Variants in ARHGAP42 observed in about 807,000 individuals in gnomAD.
ARHGAP42 encodes Rho GTPase activating protein 42.
Under a neutral mutation model 125.0 loss-of-function variants are expected in ARHGAP42, and 63 were observed. The ratio of observed to expected loss-of-function variants is 0.50; its 90% CI spans 0.41 to 0.62. The LOEUF is 0.62. ARHGAP42 is among the 20% of genes least tolerant of loss of function. ARHGAP42 has a pLI of 0.00. For missense variants in ARHGAP42, 766 were observed against 1,024.2 expected (o/e 0.75, Z 3.44); for synonymous variants, 339 against 351.0 (o/e 0.97, Z 0.38).
At chr11:100,975,046 C>A (rs1024851456) in intron 19 of ARHGAP42, among the ~76,000 whole-genome samples, 1 of 152,150 alleles carries the variant, frequency 6.6e-6, no homozygotes, top group Non-Finnish European at 1.5e-5. Flanking sequence ...CATCAACTTA[C>A]AATTCTGAGC....
At chr11:100,689,013 CAT>C (rs1428747492) in intron 1 of ARHGAP42, among the ~76,000 whole-genome samples, 2 of 152,242 alleles carry the variant, frequency 1.3e-5, no homozygotes, top group Admixed American at 6.5e-5. Flanking sequence ...TATTTTGAAA[CAT>C]GTATTAACAG....
Position 100,989,064 on chromosome 11 carries a change from A to T in ARHGAP42, c.*263A>T, listed in dbSNP as rs12788099. Reference sequence around the variant, plus strand: ...TTTTGGATAATATGTAACTCTCCACAATGTCGCTTCCGTAGCAATTGTAGA... The same window carrying T: ...TTTTGGATAATATGTAACTCTCCACTATGTCGCTTCCGTAGCAATTGTAGA... On this transcript the variant is annotated 3_prime_UTR_variant, in exon 24 of 24. Transcript: ENST00000298815. 0.19 allele frequency: 88,574 copies of T among 461,862 alleles called. 10,673 individuals carry two copies. Among genetic ancestry groups the T allele is most frequent in the Non-Finnish European group, 0.25 (65,177 of 259,036 alleles). The allele number at this position is 461,862 out of a possible 1,614,324, so 28.6% of individuals were successfully genotyped here.
rs1865398229 is a variant in ARHGAP42, at chr11:100,859,611, A to T, written c.370A>T (p.Ile124Leu). ...APLEKFRKEQ[I>L]GAAKDGKKKF... Reference sequence around the variant, plus strand: ...ACTTGAGAAATTTCGAAAAGAACAGATAGGTGCAGCAAAAGTAAGTGTTAC... The same window carrying T: ...ACTTGAGAAATTTCGAAAAGAACAGTTAGGTGCAGCAAAAGTAAGTGTTAC... The change falls in exon 4 of 24, where the codon ATA (isoleucine) becomes TTA (leucine). Residue 124 changes from isoleucine (I) to leucine (L), a missense_variant. By Grantham distance (5) the Ile-to-Leu change is conservative (BLOSUM62 2). Coordinates refer to ENST00000298815, the MANE Select transcript of ARHGAP42 (RefSeq NM_152432.4). 3 of 1,514,392 alleles carry T rather than the reference A, an allele frequency of 2.0e-6. No homozygotes were observed. Among genetic ancestry groups the T allele is most frequent in the South Asian group, 1.3e-5 (1 of 76,272 alleles). 93.8% of individuals were successfully genotyped at this position (1,514,392 alleles called of 1,614,324 possible). A position where few individuals can be genotyped will look rare whatever the true frequency, so the allele number is the denominator to read the frequency against.
chr11:100,902,133 A>T (rs1212423595), intron 4 of ARHGAP42, among the ~76,000 whole-genome samples: 1 of 152,242 alleles, frequency 6.6e-6, no homozygotes, highest in African/African-American at 2.4e-5. Flanking sequence ...GAATTGGCTC[A>T]TGTGGCTTAT....
At chr11:100,898,294 A>G (rs1315360913) in intron 4 of ARHGAP42, among the ~76,000 whole-genome samples, 1 of 152,168 alleles carries the variant, frequency 6.6e-6, no homozygotes, top group East Asian at 1.9e-4. Flanking sequence ...ACATTGGTCT[A>G]AAATTCTCTT....
At chr11:100,765,167 GGTTGAGTATGTAC>G (rs1862800073) in intron 1 of ARHGAP42, among the ~76,000 whole-genome samples, 1 of 152,138 alleles carries the variant, frequency 6.6e-6, no homozygotes, top group African/African-American at 2.4e-5. Flanking sequence ...TTATAGATAT[GGTTGAGTATGTAC>G]GTGGAAGCTA....
At chr11:100,762,798 G>A (rs969808937) in intron 1 of ARHGAP42, among the ~76,000 whole-genome samples, 13 of 151,850 alleles carry the variant, frequency 8.6e-5, no homozygotes, top group African/African-American at 2.2e-4. Flanking sequence ...CACTAAAAAC[G>A]TAACTGTAGT....
chr11:100,874,243 A>G (rs78908385), intron 4 of ARHGAP42, among the ~76,000 whole-genome samples: 3,009 of 152,294 alleles, frequency 0.02, 93 homozygotes, highest in African/African-American at 0.069. Context: ...ATCTATTCCC[A>G]TGACAGTGAG....
intron 12 of ARHGAP42, among the ~76,000 whole-genome samples, chr11:100,956,937 A>G (rs632725): frequency 0.88 from 133,820 of 151,760 alleles, 59,094 homozygotes; most frequent in East Asian, 1. Context: ...TTAGCCCTGC[A>G]GGAAGGATGC....
At chr11:100,904,721 G>A (rs1175447177) in intron 4 of ARHGAP42, among the ~76,000 whole-genome samples, 1 of 152,104 alleles carries the variant, frequency 6.6e-6, no homozygotes, top group Non-Finnish European at 1.5e-5. Flanking sequence ...ATTTTACTTT[G>A]CAAGGAACAT....
At chr11:100,904,521 A>G (rs1288667063) in intron 4 of ARHGAP42, among the ~76,000 whole-genome samples, 1 of 152,160 alleles carries the variant, frequency 6.6e-6, no homozygotes, top group Non-Finnish European at 1.5e-5. Flanking sequence ...TGCTGGGATT[A>G]TAGGCATGAG....
chr11:100,820,925 TA>T (rs57285507), intron 3 of ARHGAP42, among the ~76,000 whole-genome samples: 28,325 of 150,342 alleles, frequency 0.19, 3,088 homozygotes, highest in African/African-American at 0.31. Context: ...TTTTTTTTTT[TA>T]AATTAACTGT....
At position 100,856,261 on chromosome 11, in the gene ARHGAP42, GT is replaced by G. The variant is rs1158293244; in HGVS notation, c.313-3290del. Among the ~76,000 whole-genome samples the G allele has an allele frequency of 2.6e-5, 4 of 152,006 alleles. 1 individual carries two copies. Among genetic ancestry groups the G allele is most frequent in the Admixed American group, 2.6e-4 (4 of 15,232 alleles). On this transcript the variant is annotated intron_variant, in intron 3 of 23. Transcript: ENST00000298815. ...ACTCTAATTCACATTTTAAATAAGG[GT>G]TTCCTACCCTTTATATGACATTTTC...
intron 4 of ARHGAP42, among the ~76,000 whole-genome samples, chr11:100,866,265 A>G (rs889867922): frequency 6.6e-6 from 1 of 152,094 alleles, no homozygotes; most frequent in Non-Finnish European, 1.5e-5. Context: ...TCCTGTTTCC[A>G]CCACATTTGC....
chr11:100,840,152 G>T (rs146764525), intron 3 of ARHGAP42, among the ~76,000 whole-genome samples: 1 of 152,254 alleles, frequency 6.6e-6, no homozygotes, highest in East Asian at 1.9e-4. Flanking sequence ...TATCAAACAT[G>T]CCCTCCATAT....
At chr11:100,794,961 G>C in intron 2 of ARHGAP42, 144 bp from the exon 3 acceptor site, 1 of 524,416 alleles carries the variant, frequency 1.9e-6, no homozygotes, top group Admixed American at 3.9e-5. Context: ...TAAAATCACA[G>C]AATATAGTAT....
chr11:100,925,566 C>T (rs908014837), intron 6 of ARHGAP42, among the ~76,000 whole-genome samples: 2 of 151,852 alleles, frequency 1.3e-5, no homozygotes, highest in African/African-American at 4.8e-5. Context: ...GGTGAAACCT[C>T]ATCTCTACTA....
chr11:100,785,143 A>C (rs1346823290), intron 2 of ARHGAP42, among the ~76,000 whole-genome samples: 1 of 152,106 alleles, frequency 6.6e-6, no homozygotes. Context: ...AGGGAAAGAG[A>C]GAGAGGGAGA....
intron 6 of ARHGAP42, among the ~76,000 whole-genome samples, chr11:100,924,188 G>C (rs1299955996): frequency 6.6e-6 from 1 of 152,028 alleles, no homozygotes; most frequent in African/African-American, 2.4e-5. Flanking sequence ...ATGGCCTGGG[G>C]ATGGGATCTA....
Sources: gnomAD v4.1 joint callset for allele counts (sites outside exome capture counted in the v4.1 genomes callset) on GRCh38, gnomAD v4.1.1 for gene constraint, MANE v1.5 for transcripts, NCBI Gene and HGNC (gene_info 2026-07-23, HGNC 2026-07-21) for gene names.